Variants in PCDH11X observed in about 807,000 individuals in gnomAD.
PCDH11X encodes the protein protocadherin 11 X-linked.
A neutral mutation model predicts 53.3 loss-of-function variants in PCDH11X; 18 were observed. The ratio of observed to expected loss-of-function variants is 0.34; its 90% CI spans 0.23 to 0.50. The LOEUF (loss-of-function observed/expected upper bound fraction) is 0.50. PCDH11X is among the 20% of genes least tolerant of loss of function. The pLI is 0.98. For synonymous variants in PCDH11X, 279 were observed against 393.3 expected, an observed-to-expected ratio of 0.71 and a Z score of 3.44; for missense variants, 570 against 1,032.4, an observed-to-expected ratio of 0.55 and a Z score of 6.14.
At chrX:92,282,320 CA>C (rs759236026) in intron 8 of PCDH11X, among the ~76,000 whole-genome samples, 23 of 111,403 alleles carry the variant, frequency 2.1e-4, no homozygotes, top group Admixed American at 3.8e-4. Context: ...ATAAGAAATA[CA>C]AAACCTACAG....
At chrX:91,791,298 A>G (rs773033643) in intron 1 of PCDH11X, among the ~76,000 whole-genome samples, 20 of 110,451 alleles carry the variant, frequency 1.8e-4, no homozygotes, top group African/African-American at 6.6e-4. Context: ...AAAAGGTTTA[A>G]CTGACTCACA....
At chrX:91,952,344 A>AATTTTATG (rs2061651730) in intron 6 of PCDH11X, among the ~76,000 whole-genome samples, 1 of 110,316 alleles carries the variant, frequency 9.1e-6, no homozygotes, top group Admixed American at 9.7e-5. Flanking sequence ...GAACAAAAGA[A>AATTTTATG]ATTTTATGAT....
chrX:91,916,015 T>C (rs1188647912), intron 6 of PCDH11X, among the ~76,000 whole-genome samples: 2 of 109,742 alleles, frequency 1.8e-5, no homozygotes, highest in Admixed American at 1.9e-4. Context: ...GGAATAAAAC[T>C]GGAAATCAAC....
chrX:92,466,760 T>C (rs946915682), intron 9 of PCDH11X, among the ~76,000 whole-genome samples: 2 of 110,376 alleles, frequency 1.8e-5, no homozygotes, highest in Non-Finnish European at 1.9e-5. Flanking sequence ...TTCCATACTA[T>C]TAGAAATAAG....
intron 6 of PCDH11X, among the ~76,000 whole-genome samples, chrX:92,159,113 TAATATA>T (rs2065592064): frequency 8.9e-6 from 1 of 112,010 alleles, no homozygotes; most frequent in South Asian, 3.6e-4. Context: ...CTTGCTCTTC[TAATATA>T]AATATTAAAA....
chrX:91,976,427 C>G (rs1351432954), intron 6 of PCDH11X, among the ~76,000 whole-genome samples: 1 of 112,052 alleles, frequency 8.9e-6, no homozygotes, highest in Non-Finnish European at 1.9e-5. Flanking sequence ...AATTGATGTT[C>G]CTCTTCAAGG....
intron 7 of PCDH11X, among the ~76,000 whole-genome samples, chrX:92,219,215 G>T (rs959231991): frequency 9.0e-6 from 1 of 110,589 alleles, no homozygotes; most frequent in Non-Finnish European, 1.9e-5. Flanking sequence ...GGCAGGAGAA[G>T]GAAATAAAGT....
chrX:92,357,130 T>A (rs112759452), intron 8 of PCDH11X, among the ~76,000 whole-genome samples: 4,295 of 86,806 alleles, frequency 0.049, 79 homozygotes, highest in African/African-American at 0.071. Context: ...TTTTTTTTTT[T>A]AAAAAAAAGC....
At chrX:92,208,536 T>G (rs866784372) in intron 7 of PCDH11X, among the ~76,000 whole-genome samples, 1 of 80,075 alleles carries the variant, frequency 1.2e-5, no homozygotes, top group South Asian at 6.6e-4. Flanking sequence ...TATATATATA[T>G]ACAATTTTTT....
intron 8 of PCDH11X, among the ~76,000 whole-genome samples, chrX:92,329,370 A>T (rs934273439): frequency 4.5e-5 from 5 of 111,423 alleles, no homozygotes; most frequent in African/African-American, 1.6e-4. Flanking sequence ...AGGATCAGGA[A>T]CAAGGCAAGA....
At chrX:92,358,894 A>G (rs1373965804) in intron 8 of PCDH11X, among the ~76,000 whole-genome samples, 1 of 109,564 alleles carries the variant, frequency 9.1e-6, no homozygotes, top group Non-Finnish European at 1.9e-5. Context: ...TATAATCTCA[A>G]TAAGGCAAGG....
chrX:92,259,688 G>T (rs1569445332), intron 7 of PCDH11X, among the ~76,000 whole-genome samples: 1 of 111,474 alleles, frequency 9.0e-6, no homozygotes, highest in East Asian at 2.8e-4. Flanking sequence ...TGTCACAGCT[G>T]GTAATGCTCT....
intron 8 of PCDH11X, among the ~76,000 whole-genome samples, chrX:92,289,709 G>A: frequency 9.0e-6 from 1 of 111,331 alleles, no homozygotes; most frequent in South Asian, 3.8e-4. Context: ...TTTAAAAAAT[G>A]CAACTATGTT....
At chrX:92,059,391 G>T (rs2148059934) in intron 6 of PCDH11X, among the ~76,000 whole-genome samples, 1 of 111,055 alleles carries the variant, frequency 9.0e-6, no homozygotes, top group African/African-American at 3.3e-5. Context: ...ATTCAAGGAG[G>T]TATTTGAGTT....
chrX:92,265,109 A>G (rs951095512), intron 8 of PCDH11X, among the ~76,000 whole-genome samples: 11 of 109,550 alleles, frequency 1.0e-4, no homozygotes, highest in African/African-American at 3.7e-4. Flanking sequence ...TCTGTTGCTC[A>G]GGCTGGAGTG....
At chrX:92,406,404 A>G (rs1308485597) in intron 9 of PCDH11X, among the ~76,000 whole-genome samples, 1 of 105,875 alleles carries the variant, frequency 9.4e-6, no homozygotes, top group Non-Finnish European at 1.9e-5. Flanking sequence ...TAAAACAGAC[A>G]ATGCTGCAAT....
intron 6 of PCDH11X, among the ~76,000 whole-genome samples, chrX:92,047,362 A>T (rs1165269719): frequency 6.6e-5 from 7 of 105,264 alleles, no homozygotes; most frequent in South Asian, 9.0e-4. Flanking sequence ...TACTGCAGTG[A>T]TTCTTTTTAT....
intron 6 of PCDH11X, among the ~76,000 whole-genome samples, chrX:92,148,108 TTC>T (rs1292460470): frequency 8.5e-4 from 17 of 19,988 alleles, no homozygotes; most frequent in East Asian, 5.7e-3. Context: ...CTTTCTTTCT[TTC>T]TTTCTTTCTT....
intron 8 of PCDH11X, among the ~76,000 whole-genome samples, chrX:92,373,460 G>A (rs1394496658): frequency 1.8e-5 from 2 of 111,507 alleles, no homozygotes; most frequent in East Asian, 5.6e-4. Flanking sequence ...CTGCTGTTAA[G>A]AAACAGAATG....
Sources: gnomAD v4.1 joint callset for allele counts (sites outside exome capture counted in the v4.1 genomes callset) on GRCh38, gnomAD v4.1.1 for gene constraint, MANE v1.5 for transcripts, NCBI Gene and HGNC (gene_info 2026-07-23, HGNC 2026-07-21) for gene names.